The following HORMAD2 variants were observed in gnomAD, a reference collection of about 807,000 sequenced individuals.
The protein encoded by HORMAD2 is HORMA domain-containing protein 2.
In HORMAD2, 45 loss-of-function variants were observed where a neutral mutation model predicts 38.8. That is an observed-to-expected ratio of 1.16 (90% confidence interval 0.91 to 1.49). The LOEUF (loss-of-function observed/expected upper bound fraction) is 1.49. Ranked by LOEUF, HORMAD2 falls within the 40% of genes most tolerant of loss-of-function variation. The probability of loss-of-function intolerance (pLI) is 0.00; values close to 1 mark genes in which losing one functional copy is unlikely to be tolerated. For missense variants in HORMAD2, 338 were observed against 367.0 expected, an observed-to-expected ratio of 0.92 and a Z score of 0.65; for synonymous variants, 126 against 122.8, an observed-to-expected ratio of 1.03 and a Z score of -0.17.
At chr22:30,203,052 G>C in the HORMAD2 span, among the ~76,000 whole-genome samples, 2 of 152,158 alleles carry the variant, frequency 1.3e-5, no homozygotes, top group Non-Finnish European at 2.9e-5. Flanking sequence ...TTCAGAAAAA[G>C]GAACCCCCTG....
At chr22:30,106,193 T>G (rs1175452463) in intron 5 of HORMAD2, among the ~76,000 whole-genome samples, 5 of 152,034 alleles carry the variant, frequency 3.3e-5, no homozygotes, top group African/African-American at 9.7e-5. Flanking sequence ...GTATTTTTAG[T>G]AGAGATGGGG....
intron 10 of HORMAD2, among the ~76,000 whole-genome samples, chr22:30,142,225 G>A (rs1924130132): frequency 6.6e-6 from 1 of 152,176 alleles, no homozygotes; most frequent in South Asian, 2.1e-4. Context: ...GTTGTAGTGA[G>A]CTGTGATCAC....
chr22:30,086,730 T>C (rs1334007811), intron 1 of HORMAD2, among the ~76,000 whole-genome samples: 4 of 152,114 alleles, frequency 2.6e-5, no homozygotes, highest in Admixed American at 1.3e-4. Context: ...GACTGGTTGA[T>C]TTAAAGTAGA....
intron 1 of HORMAD2, among the ~76,000 whole-genome samples, chr22:30,089,627 A>G (rs1344408748): frequency 6.6e-6 from 1 of 152,232 alleles, no homozygotes; most frequent in Non-Finnish European, 1.5e-5. Flanking sequence ...CTGGGATTAC[A>G]GGCATGAGCC....
intron 7 of HORMAD2, among the ~76,000 whole-genome samples, chr22:30,118,491 G>A (rs79933398): frequency 0.1 from 15,194 of 152,232 alleles, 778 homozygotes; most frequent in Middle Eastern, 0.14. Context: ...CTTGTTCACA[G>A]CACTTACACT....
At chr22:30,192,398 C>T in the HORMAD2 span, among the ~76,000 whole-genome samples, 1 of 152,054 alleles carries the variant, frequency 6.6e-6, no homozygotes, top group African/African-American at 2.4e-5. Context: ...AAGAGCATCT[C>T]CTACTAAGAG....
At chr22:30,152,874 G>A (rs565217321) in intron 10 of HORMAD2, among the ~76,000 whole-genome samples, 3 of 152,216 alleles carry the variant, frequency 2.0e-5, no homozygotes, top group South Asian at 4.2e-4. Flanking sequence ...AGGGTTTCAA[G>A]CATCACGTGT....
intron 5 of HORMAD2, among the ~76,000 whole-genome samples, chr22:30,106,261 T>A (rs1371218012): frequency 6.6e-6 from 1 of 152,184 alleles, no homozygotes; most frequent in Admixed American, 6.5e-5. Flanking sequence ...TCTGCCCAAC[T>A]CAGCCTCCCA....
At chr22:30,150,122 G>A (rs1924656652) in intron 10 of HORMAD2, among the ~76,000 whole-genome samples, 1 of 151,964 alleles carries the variant, frequency 6.6e-6, no homozygotes, top group African/African-American at 2.4e-5. Context: ...TGAAAATTAT[G>A]TACCATCAGA....
intron 10 of HORMAD2, among the ~76,000 whole-genome samples, chr22:30,140,094 G>T (rs562230164): frequency 8.6e-5 from 13 of 151,964 alleles, no homozygotes; most frequent in African/African-American, 3.1e-4. Context: ...GGTAACACTG[G>T]CTTCATAAAA....
intron 10 of HORMAD2, among the ~76,000 whole-genome samples, chr22:30,168,715 T>C (rs1184156361): frequency 6.6e-6 from 1 of 152,152 alleles, no homozygotes; most frequent in African/African-American, 2.4e-5. Flanking sequence ...TCATTCTGTC[T>C]CTCCTGAGCC....
the HORMAD2 span, among the ~76,000 whole-genome samples, chr22:30,193,808 T>C: frequency 6.6e-6 from 1 of 152,170 alleles, no homozygotes; most frequent in African/African-American, 2.4e-5. Context: ...AACATGGCCA[T>C]GGGACTGAGT....
intron 10 of HORMAD2, among the ~76,000 whole-genome samples, chr22:30,164,121 A>G (rs2123721725): frequency 6.6e-6 from 1 of 152,340 alleles, no homozygotes; most frequent in Middle Eastern, 3.4e-3. Flanking sequence ...TTGAGCATGT[A>G]TCAGAATATC....
chr22:30,119,139 T>G (rs1465408350), intron 8 of HORMAD2, 92 bp downstream of exon 8: 5 of 807,876 alleles, frequency 6.2e-6, no homozygotes. Context: ...TATACTTCTT[T>G]ACACATTTCC....
the HORMAD2 span, among the ~76,000 whole-genome samples, chr22:30,198,586 T>C: frequency 6.6e-6 from 1 of 152,036 alleles, no homozygotes; most frequent in African/African-American, 2.4e-5. Flanking sequence ...CAGCCCCTAA[T>C]GCAGTCTTCT....
chr22:30,111,166 AAAAGAAAG>A (rs1233025268), intron 5 of HORMAD2, among the ~76,000 whole-genome samples: 1 of 150,658 alleles, frequency 6.6e-6, no homozygotes, highest in Non-Finnish European at 1.5e-5. Flanking sequence ...AAAAAAAAAA[AAAAGAAAG>A]AAAGAAAGAA....
At chr22:30,183,260 A>G in the HORMAD2 span, among the ~76,000 whole-genome samples, 1 of 152,210 alleles carries the variant, frequency 6.6e-6, no homozygotes, top group Non-Finnish European at 1.5e-5. Context: ...AATCAGGGAA[A>G]CAATTGTTTG....
chr22:30,169,783 ACTT>A (rs1359899603), intron 10 of HORMAD2, among the ~76,000 whole-genome samples: 2 of 151,994 alleles, frequency 1.3e-5, no homozygotes, highest in South Asian at 2.1e-4. Flanking sequence ...CACTCCCTCA[ACTT>A]CTTCTATTTC....
At chr22:30,201,041 C>A in the HORMAD2 span, among the ~76,000 whole-genome samples, 1 of 152,012 alleles carries the variant, frequency 6.6e-6, no homozygotes, top group East Asian at 1.9e-4. Context: ...TGAGCCACCA[C>A]GCCCGGCCAG....
Sources: gnomAD v4.1 joint callset for allele counts (sites outside exome capture counted in the v4.1 genomes callset) on GRCh38, gnomAD v4.1.1 for gene constraint, MANE v1.5 for transcripts, NCBI Gene and HGNC (gene_info 2026-07-23, HGNC 2026-07-21) for gene names.